The following PLXNB1 variants were observed in gnomAD, a reference collection of about 807,000 sequenced individuals.
PLXNB1 encodes plexin B1, also known as plexin-B1.
PLXNB1 carries 106 observed loss-of-function variants against 209.4 expected under a neutral mutation model. That is an observed-to-expected ratio of 0.51 (90% CI 0.43 to 0.59). The LOEUF (loss-of-function observed/expected upper bound fraction) is 0.59, where lower values mean the gene tolerates loss of function less well. Ranked by LOEUF, PLXNB1 falls within the 20% of genes least tolerant of loss-of-function variation. The pLI is 0.00. For synonymous variants in PLXNB1, 1,167 were observed against 1,183.2 expected, an observed-to-expected ratio of 0.99 and a Z score of 0.28; for missense variants, 2,357 against 2,853.2, an observed-to-expected ratio of 0.83 and a Z score of 3.96.
Position 48,423,972 on chromosome 3 carries a change from A to T in PLXNB1, c.640T>A (p.Tyr214Asn). 1.2e-6 allele frequency: 2 copies of T among 1,613,792 alleles called. No individual in the cohort carries two copies. The highest frequency in any genetic ancestry group is 1.7e-6 in the Non-Finnish European group (2 of 1,179,928). The change falls in exon 3 of 38, where the codon TAC (tyrosine) becomes AAC (asparagine). Residue 214 changes from tyrosine (Y) to asparagine (N), a missense_variant. By Grantham distance (143) the Tyr-to-Asn change is moderately radical (BLOSUM62 -2). Around this residue, in one of 7 missense-constraint regions of PLXNB1, gnomAD observed 404 missense variants for 443.6 expected, o/e 0.91. Coordinates refer to ENST00000296440, the MANE Select transcript of PLXNB1 (RefSeq NM_001130082.3). ...AKLAVGRLSE[Y>N]SHHFVSAFAR... ...AAGGCACTCACGAAGTGGTGGCTGT[A>T]CTCGGAGAGGCGGCCCACTGCCAGC...
At position 48,407,201 on chromosome 3, in the gene PLXNB1, A is replaced by T. The variant is rs926169255; in HGVS notation, c.6088-110T>A. On this transcript the variant is annotated intron_variant, in intron 34 of 37. Coordinates refer to ENST00000296440, the MANE Select transcript of PLXNB1 (RefSeq NM_001130082.3). Reference sequence around the variant, plus strand: ...AGTACTGCTTCAGTTTTGAAAAGGAAAAGTCTCACATCCCAGGAAGCCCCT... The same window carrying T: ...AGTACTGCTTCAGTTTTGAAAAGGATAAGTCTCACATCCCAGGAAGCCCCT... 17 of 981,986 alleles carry T rather than the reference A, an allele frequency of 1.7e-5. No homozygotes were observed. In the Admixed American group the frequency reaches 3.4e-4, roughly 20 times the overall value. 60.8% of individuals were successfully genotyped at this position (981,986 alleles called of 1,614,324 possible).
Position 48,412,757 on chromosome 3 carries a change from C to T in PLXNB1, c.4839G>A (p.Lys1613=), listed in dbSNP as rs760296659. The T allele has an allele frequency of 1.9e-6, 3 of 1,612,670 alleles. No homozygotes were observed. The highest frequency in any genetic ancestry group is 2.5e-6 in the Non-Finnish European group (3 of 1,179,358). The part of the protein sequence containing the change: ...LGQLSNLLNS[K]LFLTKFIHTL... ...CTGGGGGTACCTTGGTGAGGAAGAG[C>T]TTGCTGTTGAGCAGGTTAGAGAGCT... The change falls in exon 25 of 38, where the codon AAG becomes AAA. Residue 1613 remains lysine (K), a synonymous_variant. Coordinates refer to ENST00000296440, the MANE Select transcript of PLXNB1 (RefSeq NM_001130082.3).
rs2037807312 is a variant in PLXNB1, at chr3:48,413,064, C to T, written c.4636+5G>A. On this transcript the variant is annotated splice_donor_5th_base_variant and intron_variant, in intron 24 of 37. Transcript: ENST00000296440. This position sits in a 1 kb window ranked among gnomAD's most constrained non-coding sequence, Gnocchi z 5.4. ...GGAGGGCGGGGCCCATTCTCTCAGCCACACCTGTGAATTCCTTCTTGCAGC... is the reference window on the plus strand; with the variant it reads ...GGAGGGCGGGGCCCATTCTCTCAGCTACACCTGTGAATTCCTTCTTGCAGC... 6.2e-7 allele frequency: 1 copy of T among 1,612,918 alleles called. No homozygotes were observed. The highest frequency in any genetic ancestry group is 8.5e-7 in the Non-Finnish European group (1 of 1,179,028).
At position 48,410,923 on chromosome 3, in the gene PLXNB1, C is replaced by T. The variant is rs753861049; in HGVS notation, c.5361G>A (p.Gln1787=). Residue 1787 remains glutamine, a synonymous_variant, in exon 29 of 38, where the codon CAG becomes CAA. Transcript: ENST00000296440. The surrounding 1 kb of genome is among the most constrained non-coding windows in gnomAD (Gnocchi z 6.4). ...ISQAKEKMLD[Q]LYKGVPLTQR... is the part of the protein sequence containing the mutation. ...GGGTGAGAGGCACTCCTTTATAAAG[C>T]TGGTCCAGCATCTTCTCCTTTGCCT... 3 of 1,613,708 alleles carry T rather than the reference C, an allele frequency of 1.9e-6. No homozygotes were observed. The highest frequency in any genetic ancestry group is 8.5e-7 in the Non-Finnish European group (1 of 1,179,842).
In PLXNB1 at chr3:48,424,625, G is replaced by A. The variant is rs748812371; in HGVS notation, c.-6-8C>T. 347 of 1,534,836 alleles carry A rather than the reference G, an allele frequency of 2.3e-4. No individual in the cohort carries two copies. Among genetic ancestry groups the A allele is most frequent in the Non-Finnish European group, 3.0e-4 (339 of 1,145,854 alleles). On this transcript the variant is annotated splice_region_variant and splice_polypyrimidine_tract_variant and intron_variant, in intron 2 of 37. Transcript: ENST00000296440. ...CAGAGCAGGCATGGTCACCTGGCAG[G>A]AAGAGAGGTCGAGAGAGTGGGGCTC...
In PLXNB1 at chr3:48,410,946, C is replaced by T; in HGVS notation, c.5338G>A (p.Ala1780Thr). 6.2e-7 allele frequency: 1 copy of T among 1,613,950 alleles called. No homozygotes were observed. Residue 1780 changes from alanine to threonine, a missense_variant, in exon 29 of 38, where the codon GCA becomes ACA. Around this residue, in one of 7 missense-constraint regions of PLXNB1, gnomAD observed 414 missense variants for 520.5 expected, o/e 0.80. Coordinates refer to ENST00000296440, the MANE Select transcript of PLXNB1 (RefSeq NM_001130082.3). This position sits in a 1 kb window ranked among gnomAD's most constrained non-coding sequence, Gnocchi z 6.4. ...AGCTGGTCCAGCATCTTCTCCTTTG[C>T]CTGGGAGATGGTGTCACAGTCTAGG... ...KVLDCDTISQ[A>T]KEKMLDQLYK... is the part of the protein sequence containing the mutation.
At chr3:48,408,520 C>T (rs1228922365) in intron 34 of PLXNB1, among the ~76,000 whole-genome samples, 1 of 152,120 alleles carries the variant, frequency 6.6e-6, no homozygotes, top group Non-Finnish European at 1.5e-5. Context: ...AATAGACTCC[C>T]AACCTCTGTG....
In PLXNB1 at chr3:48,416,182, G is replaced by A; in HGVS notation, c.3481-15C>T. 1 of 1,597,800 alleles carries A rather than the reference G, an allele frequency of 6.3e-7. No individual in the cohort carries two copies. The highest frequency in any genetic ancestry group is 8.5e-7 in the Non-Finnish European group (1 of 1,172,272). ...ACCTTCGGATCCTGTGGGACAGACAGGGAGAGAGATGAGCATCAGACCAGA... is the reference window on the plus strand; with the variant it reads ...ACCTTCGGATCCTGTGGGACAGACAAGGAGAGAGATGAGCATCAGACCAGA... On this transcript the variant is annotated splice_polypyrimidine_tract_variant and intron_variant, in intron 17 of 37. Transcript: ENST00000296440. The surrounding 1 kb of genome is among the most constrained non-coding windows in gnomAD (Gnocchi z 4.1).
rs894838247 is a variant in PLXNB1 at position 48,416,201 on chromosome 3, G to C, written c.3481-34C>G. The C allele has an allele frequency of 1.5e-5, 23 of 1,570,214 alleles. No individual in the cohort carries two copies. In the African/African-American group the frequency reaches 2.2e-4, roughly 15 times the overall value. On this transcript the variant is annotated intron_variant, in intron 17 of 37. Transcript: ENST00000296440. This position sits in a 1 kb window ranked among gnomAD's most constrained non-coding sequence, Gnocchi z 4.1. The stretch of plus-strand genomic sequence containing the variant: ...CAGACAGGGAGAGAGATGAGCATCA[G>C]ACCAGACACATGGAGGCAGGGACAG...
rs182757186 is a variant in PLXNB1, at chr3:48,420,520, G to T, written c.2028+145C>A. The stretch of plus-strand genomic sequence containing the variant: ...AAACAGGCGGGATGTATCGGCGGCT[G>T]TTCTCCAGGGAGTCCGTCACATACA... On this transcript the variant is annotated intron_variant, in intron 10 of 37. Coordinates refer to ENST00000296440, the MANE Select transcript of PLXNB1 (RefSeq NM_001130082.3). 250 of 695,150 alleles carry T rather than the reference G, an allele frequency of 3.6e-4. No individual in the cohort carries two copies. The Middle Eastern group carries it at 4.9e-3, about 14-fold the overall frequency. 43.1% of individuals were successfully genotyped at this position (695,150 alleles called of 1,614,324 possible). A position where few individuals can be genotyped will look rare whatever the true frequency, so the allele number is the denominator to read the frequency against.
chr3:48,425,255 G>C (rs1158857159), intron 2 of PLXNB1, 26 bp downstream of exon 2: 3 of 152,370 alleles, frequency 2.0e-5, no homozygotes, highest in Non-Finnish European at 4.4e-5. Context: ...GCTGCTCCTA[G>C]ATATCTAGTG....
Position 48,418,939 on chromosome 3 carries a change from T to C in PLXNB1, c.2933A>G (p.His978Arg), listed in dbSNP as rs939921600. ...CACCTGGTGCTGCTGGCAGGTGACA[T>C]GGCACTGGGTATCTGGAGGTGGCTC... ...ECEPPPDTQC[H>R]VTCQQHQLSY... Residue 978 changes from histidine to arginine, a missense_variant, in exon 13 of 38, where the codon CAT (histidine) becomes CGT (arginine). His to Arg is a conservative substitution (Grantham distance 29). This residue lies in a region of PLXNB1 where 410 missense variants were observed against 401.0 expected (regional missense o/e 1.02). Coordinates refer to ENST00000296440, the MANE Select transcript of PLXNB1 (RefSeq NM_001130082.3). The surrounding 1 kb of genome is among the most constrained non-coding windows in gnomAD (Gnocchi z 6.6). 2.4e-5 allele frequency: 39 copies of C among 1,613,960 alleles called. No homozygotes were observed. Among genetic ancestry groups the C allele is most frequent in the Non-Finnish European group, 3.1e-5 (37 of 1,179,988 alleles).
rs1377373655 is a variant in PLXNB1, at chr3:48,404,427, G to A, written c.*59C>T. On this transcript the variant is annotated 3_prime_UTR_variant, in exon 38 of 38. Coordinates refer to ENST00000296440, the MANE Select transcript of PLXNB1 (RefSeq NM_001130082.3). ...CACCTAAGAAGGTGGCCTCTCCTCC[G>A]AGCTTCCAGGGCTGCCCAGGCCAGG... The A allele has an allele frequency of 6.8e-6, 8 of 1,170,314 alleles. No homozygotes were observed. Among genetic ancestry groups the A allele is most frequent in the African/African-American group, 4.6e-5 (3 of 65,438 alleles). 72.5% of individuals were successfully genotyped at this position (1,170,314 alleles called of 1,614,324 possible).
In PLXNB1 at chr3:48,410,166, C is replaced by T; in HGVS notation, c.5606-89G>A. 6.7e-7 allele frequency: 1 copy of T among 1,482,164 alleles called. No homozygotes were observed. The highest frequency in any genetic ancestry group is 9.1e-7 in the Non-Finnish European group (1 of 1,098,658). 91.8% of individuals were successfully genotyped at this position (1,482,164 alleles called of 1,614,324 possible). A position where few individuals can be genotyped will look rare whatever the true frequency, so the allele number is the denominator to read the frequency against. The stretch of plus-strand genomic sequence containing the variant: ...TTGCCAGCTCTCCCAGGGGTGGGGG[C>T]ACCTGGTTGAGGGATTTCCTGGGCC... On this transcript the variant is annotated intron_variant, in intron 31 of 37. Coordinates refer to ENST00000296440, the MANE Select transcript of PLXNB1 (RefSeq NM_001130082.3). This position sits in a 1 kb window ranked among gnomAD's most constrained non-coding sequence, Gnocchi z 6.4.
rs758691151 is a variant in PLXNB1 at position 48,405,641 on chromosome 3, A to G, written c.6303+83T>C. On this transcript the variant is annotated intron_variant, in intron 37 of 37. Coordinates refer to ENST00000296440, the MANE Select transcript of PLXNB1 (RefSeq NM_001130082.3). This position sits in a 1 kb window ranked among gnomAD's most constrained non-coding sequence, Gnocchi z 5.0. ...TCCCTGGGGAAGACCAAAGCCCCCAACGTGAGTCACAGGGTCAGAGCCCCT... is the reference window on the plus strand; with the variant it reads ...TCCCTGGGGAAGACCAAAGCCCCCAGCGTGAGTCACAGGGTCAGAGCCCCT... 1.6e-4 allele frequency: 177 copies of G among 1,087,948 alleles called. 1 individual carries two copies. Among genetic ancestry groups the G allele is most frequent in the Non-Finnish European group, 2.2e-4 (160 of 726,306 alleles). The allele number at this position is 1,087,948 out of a possible 1,614,324, so 67.4% of individuals were successfully genotyped here.
intron 1 of PLXNB1, among the ~76,000 whole-genome samples, chr3:48,425,882 A>T (rs1321702712): frequency 6.6e-6 from 1 of 152,074 alleles, no homozygotes; most frequent in Non-Finnish European, 1.5e-5. Context: ...GCACAGTGAC[A>T]CACACAGACA....
In PLXNB1 at chr3:48,409,050, TG is replaced by T. The variant is rs1252254364; in HGVS notation, c.6087+278del. On this transcript the variant is annotated intron_variant, in intron 34 of 37. Transcript: ENST00000296440. This position sits in a 1 kb window ranked among gnomAD's most constrained non-coding sequence, Gnocchi z 5.8. ...GCCCCAGGAGTGAGTCCTGACCAAC[TG>T]GCCCTGGCCTACTGCCACGCCTGGC... Among the ~76,000 whole-genome samples, 1 of 152,230 alleles carries T rather than the reference TG, an allele frequency of 6.6e-6. No homozygotes were observed. Among genetic ancestry groups the T allele is most frequent in the Non-Finnish European group, 1.5e-5 (1 of 68,042 alleles).
chr3:48,412,003 C>A lies in PLXNB1; in HGVS notation c.5107G>T (p.Val1703Leu). 1 of 1,613,912 alleles carries A rather than the reference C, an allele frequency of 6.2e-7. No homozygotes were observed. Among genetic ancestry groups the A allele is most frequent in the South Asian group, 1.1e-5 (1 of 91,086 alleles). The part of the protein sequence containing the change: ...ICLYTFVRDS[V>L]GEPLYMLFRG... ...AAGAGCATGTACAGAGGCTCCCCTA[C>A]GGAGTCCTAGGAGAGCACAGGCAGT... The change falls in exon 28 of 38, where the codon GTA becomes TTA. Residue 1703 changes from valine to leucine, a missense_variant. Val to Leu is a conservative substitution (Grantham distance 32, BLOSUM62 1). Coordinates refer to ENST00000296440, the MANE Select transcript of PLXNB1 (RefSeq NM_001130082.3).
At chr3:48,414,561 A>G (rs2037940905) in intron 21 of PLXNB1, among the ~76,000 whole-genome samples, 1 of 152,204 alleles carries the variant, frequency 6.6e-6, no homozygotes, top group Non-Finnish European at 1.5e-5. Context: ...CAGTCATTCC[A>G]GAGCCTGCCA....
Sources: gnomAD v4.1 joint callset for allele counts (sites outside exome capture counted in the v4.1 genomes callset) on GRCh38, gnomAD v4.1.1 for gene constraint, gnomAD v4.1.1 regional missense constraint, Gnocchi (gnomAD v3.1) non-coding constraint, MANE v1.5 for transcripts, NCBI Gene and HGNC (gene_info 2026-07-23, HGNC 2026-07-21) for gene names.